ST6GALNAC3: variants seen among roughly 807,000 people sequenced by gnomAD.
ST6GALNAC3 encodes the protein ST6 N-acetylgalactosaminide alpha-2,6-sialyltransferase 3, also known as alpha-N-acetylgalactosaminide alpha-2,6-sialyltransferase 3.
In ST6GALNAC3, 25 loss-of-function variants were observed where a neutral mutation model predicts 32.7. The observed-to-expected ratio is 0.76, with a 90% CI of 0.56 to 1.07. ST6GALNAC3 has a LOEUF of 1.07. Among genes scored for constraint, ST6GALNAC3 ranks in the 50% least tolerant of loss-of-function variants. The pLI is 0.00. For synonymous variants in ST6GALNAC3, 129 were observed against 133.1 expected (o/e 0.97, Z 0.21); for missense variants, 355 against 382.4 (o/e 0.93, Z 0.60).
intron 1 of ST6GALNAC3, among the ~76,000 whole-genome samples, chr1:76,297,588 C>T (rs2100837155): frequency 6.6e-6 from 1 of 152,138 alleles, no homozygotes; most frequent in South Asian, 2.1e-4. Flanking sequence ...ATCTTGACAT[C>T]ACCAGTTACT....
intron 3 of ST6GALNAC3, among the ~76,000 whole-genome samples, chr1:76,486,179 G>C (rs1427101568): frequency 1.3e-5 from 2 of 152,214 alleles, no homozygotes; most frequent in Non-Finnish European, 2.9e-5. Flanking sequence ...GCGATGTGGT[G>C]ATGAGAAGAA....
At chr1:76,258,125 A>G (rs1658021466) in intron 1 of ST6GALNAC3, among the ~76,000 whole-genome samples, 3 of 152,194 alleles carry the variant, frequency 2.0e-5, no homozygotes, top group African/African-American at 7.2e-5. Flanking sequence ...ATATGTTCTC[A>G]AAGTAGAATT....
intron 1 of ST6GALNAC3, among the ~76,000 whole-genome samples, chr1:76,304,623 G>T (rs563736172): frequency 1.3e-5 from 2 of 152,146 alleles, no homozygotes; most frequent in South Asian, 4.1e-4. Flanking sequence ...GGAGAGATGG[G>T]AGAGGAGACT....
chr1:76,286,815 T>C (rs6672694), intron 1 of ST6GALNAC3, among the ~76,000 whole-genome samples: 47,601 of 152,164 alleles, frequency 0.31, 8,525 homozygotes, highest in Non-Finnish European at 0.41. Context: ...AGTGGGACAA[T>C]TGAAGCATGA....
chr1:76,546,105 A>G (rs1436402530), intron 3 of ST6GALNAC3, among the ~76,000 whole-genome samples: 3 of 152,244 alleles, frequency 2.0e-5, no homozygotes, highest in African/African-American at 7.2e-5. Flanking sequence ...CTTAACACCT[A>G]ACAGTGCTTG....
chr1:76,398,271 A>T (rs998169000), intron 2 of ST6GALNAC3, among the ~76,000 whole-genome samples: 2 of 152,186 alleles, frequency 1.3e-5, no homozygotes, highest in Non-Finnish European at 2.9e-5. Context: ...ATATGCATTG[A>T]CAATCTCCTA....
intron 3 of ST6GALNAC3, among the ~76,000 whole-genome samples, chr1:76,606,924 G>A (rs1490606450): frequency 6.8e-6 from 1 of 147,412 alleles, no homozygotes; most frequent in Non-Finnish European, 1.5e-5. Flanking sequence ...ACCCACCACA[G>A]TTCTGACACT....
intron 1 of ST6GALNAC3, among the ~76,000 whole-genome samples, chr1:76,280,445 T>A (rs1458609025): frequency 6.6e-6 from 1 of 152,194 alleles, no homozygotes; most frequent in Non-Finnish European, 1.5e-5. Context: ...TCAGCATTTA[T>A]CATTTTTGGT....
At chr1:76,508,734 G>A (rs1055908272) in intron 3 of ST6GALNAC3, among the ~76,000 whole-genome samples, 5 of 152,128 alleles carry the variant, frequency 3.3e-5, no homozygotes, top group African/African-American at 1.2e-4. Flanking sequence ...CATATACTCT[G>A]TGATCTTCTT....
At chr1:76,109,139 G>A (rs1291533007) in intron 1 of ST6GALNAC3, among the ~76,000 whole-genome samples, 6 of 152,138 alleles carry the variant, frequency 3.9e-5, no homozygotes, top group Non-Finnish European at 8.8e-5. Context: ...TGGTACCCAG[G>A]CCTCGTTTGC....
At chr1:76,305,262 GA>G (rs1267548543) in intron 1 of ST6GALNAC3, among the ~76,000 whole-genome samples, 1 of 152,122 alleles carries the variant, frequency 6.6e-6, no homozygotes, top group Non-Finnish European at 1.5e-5. Flanking sequence ...ATCAAGAAAA[GA>G]GTAGTAATGT....
intron 1 of ST6GALNAC3, among the ~76,000 whole-genome samples, chr1:76,267,688 G>A (rs527316712): frequency 6.6e-6 from 1 of 152,276 alleles, no homozygotes; most frequent in African/African-American, 2.4e-5. Flanking sequence ...CATAAAAAAT[G>A]GCTTTGCTCT....
intron 1 of ST6GALNAC3, among the ~76,000 whole-genome samples, chr1:76,085,605 G>A (rs1646954391): frequency 6.6e-6 from 1 of 152,152 alleles, no homozygotes. Flanking sequence ...ACTACATCAG[G>A]ACCACTGGAA....
At chr1:76,380,105 G>A (rs1651586251) in intron 2 of ST6GALNAC3, among the ~76,000 whole-genome samples, 1 of 152,174 alleles carries the variant, frequency 6.6e-6, no homozygotes, top group Non-Finnish European at 1.5e-5. Context: ...AGAAGATCCT[G>A]AGAGGAGAAA....
intron 1 of ST6GALNAC3, among the ~76,000 whole-genome samples, chr1:76,109,016 T>C (rs1467945587): frequency 1.3e-5 from 2 of 152,184 alleles, no homozygotes; most frequent in Non-Finnish European, 2.9e-5. Flanking sequence ...GATTCTGTTT[T>C]TATATTATTT....
At chr1:76,257,538 A>C (rs575572406) in intron 1 of ST6GALNAC3, among the ~76,000 whole-genome samples, 1 of 152,226 alleles carries the variant, frequency 6.6e-6, no homozygotes, top group South Asian at 2.1e-4. Flanking sequence ...GGCAGGCCTG[A>C]TTTATTTCAA....
At position 76,313,814 on chromosome 1, in the gene ST6GALNAC3, G is replaced by A. The variant is rs748817359; in HGVS notation, c.28G>A (p.Val10Met). Residue 10 changes from valine to methionine, a missense_variant, in exon 2 of 5, where the codon GTG becomes ATG. Physicochemically the swap from Val to Met is conservative, Grantham distance 21. Coordinates refer to ENST00000328299, the MANE Select transcript of ST6GALNAC3 (RefSeq NM_152996.4). The stretch of plus-strand genomic sequence containing the variant: ...TTTTAATGTTTTGTAGAGAAAGTCT[G>A]TGATTGCTGTGAGCTTCATAGCAGC... MACILKRKS[V>M]IAVSFIAAFL... 3.7e-6 allele frequency: 6 copies of A among 1,613,078 alleles called. No homozygotes were observed. The highest frequency in any genetic ancestry group is 3.3e-5 in the Admixed American group (2 of 59,886).
intron 3 of ST6GALNAC3, among the ~76,000 whole-genome samples, chr1:76,484,119 C>T (rs1475493234): frequency 1.3e-5 from 2 of 152,076 alleles, no homozygotes; most frequent in Non-Finnish European, 2.9e-5. Context: ...GTTTTGGTTA[C>T]TGTAGCCTTG....
chr1:76,192,692 C>A (rs981655041), intron 1 of ST6GALNAC3, among the ~76,000 whole-genome samples: 1 of 152,142 alleles, frequency 6.6e-6, no homozygotes. Flanking sequence ...ATGTTCTTCT[C>A]GGCACTGTGA....
Sources: gnomAD v4.1 joint callset for allele counts (sites outside exome capture counted in the v4.1 genomes callset) on GRCh38, gnomAD v4.1.1 for gene constraint, MANE v1.5 for transcripts, NCBI Gene and HGNC (gene_info 2026-07-23, HGNC 2026-07-21) for gene names.